TTLL5: variants seen among roughly 807,000 people sequenced by gnomAD.
TTLL5 encodes the protein tubulin polyglutamylase TTLL5.
In TTLL5, 132 loss-of-function variants were observed where a neutral mutation model predicts 168.4. The observed-to-expected ratio is 0.78, with a 90% CI of 0.68 to 0.91. The LOEUF is 0.91. Ranked by LOEUF, TTLL5 falls within the 40% of genes least tolerant of loss-of-function variation. The pLI, the probability that TTLL5 is intolerant of heterozygous loss-of-function variation, is 0.00. For synonymous variants in TTLL5, 546 were observed against 558.6 expected (o/e 0.98, Z 0.32); for missense variants, 1,545 against 1,581.5 (o/e 0.98, Z 0.39).
rs1887780155 is a variant in TTLL5, at chr14:75,720,639, C to A, written c.978C>A (p.Ile326=). ...AAGACCTGATCATTAAGACTATAAT[C>A]TCTGCTGAACTAGCTATTGCTACTG... ...HVEDLIIKTI[I]SAELAIATAC... is the part of the protein sequence containing the mutation. Residue 326 remains isoleucine (I), a synonymous_variant, in exon 12 of 32, where the codon ATC becomes ATA. Coordinates refer to ENST00000298832, the MANE Select transcript of TTLL5 (RefSeq NM_015072.5). The A allele has an allele frequency of 6.2e-7, 1 of 1,613,704 alleles. No homozygotes were observed. The highest frequency in any genetic ancestry group is 8.5e-7 in the Non-Finnish European group (1 of 1,179,674).
intron 28 of TTLL5, among the ~76,000 whole-genome samples, chr14:75,843,877 G>GTTTTA (rs1555350794): frequency 0.011 from 1,486 of 130,684 alleles, 22 homozygotes; most frequent in Non-Finnish European, 0.018. Context: ...GTTTTGTTTT[G>GTTTTA]TTTTATTTTA....
intron 28 of TTLL5, among the ~76,000 whole-genome samples, chr14:75,844,448 A>G (rs779883528): frequency 6.6e-6 from 1 of 152,208 alleles, no homozygotes; most frequent in African/African-American, 2.4e-5. Flanking sequence ...GAAAATCTTT[A>G]GCAGGGGCTA....
chr14:75,828,993 A>C (rs1895401838), intron 28 of TTLL5, among the ~76,000 whole-genome samples: 1 of 152,162 alleles, frequency 6.6e-6, no homozygotes, highest in Admixed American at 6.6e-5. Flanking sequence ...TATCAGACAA[A>C]TCCCTGTCCT....
At chr14:75,737,678 T>C in intron 15 of TTLL5, 1 of 1,463,622 alleles carries the variant, frequency 6.8e-7, no homozygotes, top group Non-Finnish European at 9.1e-7. Context: ...TTTTTTAGCT[T>C]TAGTTTTTCA....
intron 6 of TTLL5, among the ~76,000 whole-genome samples, chr14:75,692,115 C>G (rs942419741): frequency 1.3e-5 from 2 of 152,212 alleles, no homozygotes; most frequent in Non-Finnish European, 2.9e-5. Context: ...GTTACTCCAA[C>G]TTCTGTGTGC....
chr14:75,874,823 C>T (rs1055653621), intron 29 of TTLL5, among the ~76,000 whole-genome samples: 14 of 148,388 alleles, frequency 9.4e-5, no homozygotes, highest in African/African-American at 2.5e-4. Context: ...TGTATATATG[C>T]GTGTGTGTGT....
chr14:75,888,093 C>T (rs1442800485), intron 30 of TTLL5, among the ~76,000 whole-genome samples: 1 of 152,192 alleles, frequency 6.6e-6, no homozygotes, highest in Non-Finnish European at 1.5e-5. Flanking sequence ...ACATGAGCGC[C>T]AGTCAGGAGC....
At chr14:75,738,734 G>C (rs1363313549) in intron 15 of TTLL5, among the ~76,000 whole-genome samples, 1 of 152,170 alleles carries the variant, frequency 6.6e-6, no homozygotes, top group African/African-American at 2.4e-5. Flanking sequence ...AGTACGTTAG[G>C]AAAGGGGTAC....
chr14:75,881,706 A>G (rs974891009), intron 29 of TTLL5, among the ~76,000 whole-genome samples: 2 of 152,230 alleles, frequency 1.3e-5, no homozygotes, highest in African/African-American at 4.8e-5. Context: ...GTTTTAATAA[A>G]AAATACTATG....
chr14:75,737,946 AT>A lies in TTLL5; in HGVS notation c.1281+2667del, dbSNP rs984146830. On this transcript the variant is annotated intron_variant, in intron 15 of 31. Coordinates refer to ENST00000298832, the MANE Select transcript of TTLL5 (RefSeq NM_015072.5). ...TTTTCCAGTTCACAAATGAACTTCAATTTTTTTTTTCAGACATCTTATGAAA... is the reference window on the plus strand; with the variant it reads ...TTTTCCAGTTCACAAATGAACTTCAATTTTTTTTTCAGACATCTTATGAAA... Among the ~76,000 whole-genome samples the A allele has an allele frequency of 1.0e-3, 153 of 150,258 alleles. 3 individuals carry two copies. In the East Asian group the frequency reaches 0.025, roughly 25 times the overall value.
intron 12 of TTLL5, chr14:75,732,078 A>G: frequency 3.8e-6 from 1 of 262,056 alleles, no homozygotes; most frequent in South Asian, 8.9e-5. Context: ...GTCGCTTTCT[A>G]TGTAGGATTT....
intron 29 of TTLL5, among the ~76,000 whole-genome samples, chr14:75,872,216 ACTTTC>A (rs1006079988): frequency 2.0e-4 from 31 of 152,278 alleles, no homozygotes; most frequent in East Asian, 5.8e-4. Context: ...TTTTTTTCAA[ACTTTC>A]CTTTCCTTCT....
intron 31 of TTLL5, among the ~76,000 whole-genome samples, chr14:75,923,847 CTT>C (rs2033911558): frequency 6.6e-6 from 1 of 152,170 alleles, no homozygotes. Flanking sequence ...GTCTAAGTCT[CTT>C]TGTAGGTCTC....
chr14:75,874,195 C>T (rs959480857), intron 29 of TTLL5, among the ~76,000 whole-genome samples: 2 of 152,074 alleles, frequency 1.3e-5, no homozygotes, highest in Non-Finnish European at 2.9e-5. Context: ...AGGTTCACAC[C>T]GTTCTCCTGC....
chr14:75,877,010 A>G (rs2031530912), intron 29 of TTLL5, among the ~76,000 whole-genome samples: 1 of 152,208 alleles, frequency 6.6e-6, no homozygotes, highest in South Asian at 2.1e-4. Flanking sequence ...GTCTTTGCAT[A>G]TGTCATGGGA....
intron 12 of TTLL5, among the ~76,000 whole-genome samples, chr14:75,721,653 T>C (rs532809942): frequency 1.3e-5 from 2 of 152,190 alleles, no homozygotes; most frequent in Non-Finnish European, 2.9e-5. Context: ...TCCTCAACTA[T>C]AAAATGGCAG....
intron 15 of TTLL5, among the ~76,000 whole-genome samples, chr14:75,741,240 A>G (rs1889247127): frequency 6.6e-6 from 1 of 152,210 alleles, no homozygotes; most frequent in African/African-American, 2.4e-5. Flanking sequence ...TGCATGTTGC[A>G]TGGCAGAATT....
chr14:75,753,559 GAAACCT>G (rs1284540973), intron 18 of TTLL5, among the ~76,000 whole-genome samples: 3 of 152,156 alleles, frequency 2.0e-5, no homozygotes, highest in Non-Finnish European at 4.4e-5. Flanking sequence ...GTTATTTAGA[GAAACCT>G]ATATTATTTT....
intron 12 of TTLL5, among the ~76,000 whole-genome samples, chr14:75,725,564 G>T (rs1888140287): frequency 6.6e-6 from 1 of 152,120 alleles, no homozygotes. Flanking sequence ...AGTTGTCCTA[G>T]GTCATGCAGC....
Sources: gnomAD v4.1 joint callset for allele counts (sites outside exome capture counted in the v4.1 genomes callset) on GRCh38, gnomAD v4.1.1 for gene constraint, MANE v1.5 for transcripts, NCBI Gene and HGNC (gene_info 2026-07-23, HGNC 2026-07-21) for gene names.